Variants in TULP2 observed in about 807,000 individuals in gnomAD.
TULP2 encodes TUB like protein 2.
In TULP2, 64 loss-of-function variants were observed where a neutral mutation model predicts 60.3. That is an observed-to-expected ratio of 1.06 (90% confidence interval 0.87 to 1.31). The LOEUF is 1.31. TULP2 is among the 50% of genes most tolerant of loss of function. The probability of loss-of-function intolerance (pLI) is 0.00; values close to 1 mark genes in which losing one functional copy is unlikely to be tolerated. For missense variants in TULP2, 652 were observed against 667.0 expected (o/e 0.98, Z 0.25); for synonymous variants, 267 against 265.4 (o/e 1.01, Z -0.06).
chr19:48,883,720 A>G lies in TULP2; in HGVS notation c.1275+34T>C, dbSNP rs768182565. ...GAGGACCGGCCCCAGCCCCTTCTCCATTGACCCAGAGATTCCTGATGTCAG... is the reference window on the plus strand; with the variant it reads ...GAGGACCGGCCCCAGCCCCTTCTCCGTTGACCCAGAGATTCCTGATGTCAG... On this transcript the variant is annotated intron_variant, in intron 11 of 12. Coordinates refer to ENST00000221399, the MANE Select transcript of TULP2 (RefSeq NM_003323.3). 23 of 1,611,238 alleles carry G rather than the reference A, an allele frequency of 1.4e-5. No homozygotes were observed. In the East Asian group the frequency reaches 5.1e-4, roughly 36 times the overall value.
rs58640342 is a variant in TULP2, at chr19:48,887,311, C to CTTTTTTTTTTTT, written c.948+627_948+638dup. On this transcript the variant is annotated intron_variant, in intron 8 of 12. Transcript: ENST00000221399. ...CAAGTGTGAGCCACCGCGCCCAGCC[C>CTTTTTTTTTTTT]TTTTTTTTTTTTTTTTTTTTTTTTT... is the stretch of plus-strand genomic sequence containing the variant. Among the ~76,000 whole-genome samples, 139 of 39,378 alleles carry CTTTTTTTTTTTT rather than the reference C, an allele frequency of 3.5e-3. 37 individuals carry two copies. The highest frequency in any genetic ancestry group is 6.5e-3 in the Non-Finnish European group (125 of 19,334). The allele number at this position is 39,378 out of a possible 152,430, so 25.8% of individuals were successfully genotyped here.
intron 6 of TULP2, among the ~76,000 whole-genome samples, chr19:48,894,677 A>G (rs2037262301): frequency 6.6e-6 from 1 of 152,112 alleles, no homozygotes; most frequent in Non-Finnish European, 1.5e-5. Context: ...TTGCATTTAT[A>G]CTGTATTAGG....
chr19:48,882,264 G>A (rs2037141614), intron 11 of TULP2, 61 bp from the exon 12 acceptor site: 1 of 1,591,240 alleles, frequency 6.3e-7, no homozygotes, highest in African/African-American at 1.4e-5. Context: ...ATCTTGAACA[G>A]GGGCGACTCC....
chr19:48,881,249 G>A lies in TULP2; in HGVS notation c.1448-123C>T, dbSNP rs557286781. 2.1e-3 allele frequency: 1,291 copies of A among 605,148 alleles called. 4 individuals are homozygous for A. The highest frequency in any genetic ancestry group is 4.5e-3 in the Admixed American group (125 of 27,760). 37.5% of individuals were successfully genotyped at this position (605,148 alleles called of 1,614,324 possible). A position where few individuals can be genotyped will look rare whatever the true frequency, so the allele number is the denominator to read the frequency against. On this transcript the variant is annotated intron_variant, in intron 12 of 12. Transcript: ENST00000221399. ...TTTTGAGACAGAGTCTTGCTCTGTC[G>A]CCCAGGCTGGAGTGCAGTGACCTGA... is the stretch of plus-strand genomic sequence containing the variant.
chr19:48,885,350 G>C (rs2037169746), intron 9 of TULP2, 98 bp downstream of exon 9: 17 of 960,448 alleles, frequency 1.8e-5, no homozygotes, highest in Non-Finnish European at 2.8e-5. Context: ...TCCCTGAGCA[G>C]GTGGAAGGTA....
At chr19:48,896,121 G>T (rs1022277486) in intron 4 of TULP2, among the ~76,000 whole-genome samples, 2 of 152,032 alleles carry the variant, frequency 1.3e-5, no homozygotes, top group African/African-American at 2.4e-5. Context: ...CTCCACCACC[G>T]AGCTCTGCCA....
At position 48,897,269 on chromosome 19, in the gene TULP2, A is replaced by G; in HGVS notation, c.84+76T>C. ...CAACACGGGCTGGGAGTCCTAGAGC[A>G]AGACCTGGTGGAGAGGCCCCTGGGG... On this transcript the variant is annotated intron_variant, in intron 3 of 12. Coordinates refer to ENST00000221399, the MANE Select transcript of TULP2 (RefSeq NM_003323.3). This position sits in a 1 kb window ranked among gnomAD's most constrained non-coding sequence, Gnocchi z 4.0. The G allele has an allele frequency of 1.3e-6, 2 of 1,518,752 alleles. No individual in the cohort carries two copies. The highest frequency in any genetic ancestry group is 1.8e-6 in the Non-Finnish European group (2 of 1,102,984). 94.1% of individuals were successfully genotyped at this position (1,518,752 alleles called of 1,614,324 possible).
intron 11 of TULP2, among the ~76,000 whole-genome samples, chr19:48,883,401 C>T (rs1157456646): frequency 6.6e-6 from 1 of 152,022 alleles, no homozygotes; most frequent in Non-Finnish European, 1.5e-5. Context: ...ATGGAGTAGC[C>T]ATTCTTTTAT....
At chr19:48,898,409 C>T (rs555524916) in intron 1 of TULP2, 181 bp downstream of exon 1, 1 of 151,064 alleles carries the variant, frequency 6.6e-6, no homozygotes, top group Non-Finnish European at 1.5e-5. Context: ...ATCTAATTCT[C>T]CAGCACCCAG....
At chr19:48,883,090 GCGCCTGTAGT>G (rs2123266230) in intron 11 of TULP2, among the ~76,000 whole-genome samples, 1 of 152,166 alleles carries the variant, frequency 6.6e-6, no homozygotes, top group South Asian at 2.1e-4. Flanking sequence ...ATGGTAGCGG[GCGCCTGTAGT>G]CCCAGCTACT....
chr19:48,888,351 C>G, intron 7 of TULP2, 90 bp from the exon 8 acceptor site: 1 of 1,350,420 alleles, frequency 7.4e-7, no homozygotes, highest in Non-Finnish European at 1.0e-6. Context: ...TAGGGTCCCG[C>G]CCTTGCCCAT....
At chr19:48,894,894 T>C (rs954956007) in intron 6 of TULP2, 104 bp downstream of exon 6, 9 of 1,404,822 alleles carry the variant, frequency 6.4e-6, no homozygotes, top group Non-Finnish European at 8.6e-6. Flanking sequence ...GTGACTTGTA[T>C]GGTTTGTGAA....
intron 4 of TULP2, among the ~76,000 whole-genome samples, chr19:48,896,166 T>C (rs2037278831): frequency 6.6e-6 from 1 of 151,468 alleles, no homozygotes; most frequent in Non-Finnish European, 1.5e-5. Context: ...CCCTTTCCCC[T>C]GCTAGTTGTA....
At position 48,888,218 on chromosome 19, in the gene TULP2, C is replaced by T; in HGVS notation, c.680G>A (p.Gly227Glu). Residue 227 changes from glycine (G) to glutamate (E), a missense_variant, in exon 8 of 13, where the codon GGG becomes GAG. Transcript: ENST00000221399. The stretch of plus-strand genomic sequence containing the variant: ...GTTGTGTGCTGCTGAGGAGTTCGTC[C>T]CTGTAGACTCAGAGGCCTCTCTCTT... ...EKKREASEST[G>E]TNSSAAHNEE... The T allele has an allele frequency of 6.2e-7, 1 of 1,607,204 alleles. No individual in the cohort carries two copies. The highest frequency in any genetic ancestry group is 8.5e-7 in the Non-Finnish European group (1 of 1,174,390).
At position 48,896,428 on chromosome 19, in the gene TULP2, A is replaced by G. The variant is rs1455399684; in HGVS notation, c.211+2T>C. On this transcript the variant is annotated splice_donor_variant, in intron 4 of 12. Transcript: ENST00000221399. LOFTEE classifies it high-confidence loss of function. ...CGAACGCCCCCAGGGGTCTTTGGTCACCTCTGTCACCTAAAAGGCGCTCCT... is the reference window on the plus strand; with the variant it reads ...CGAACGCCCCCAGGGGTCTTTGGTCGCCTCTGTCACCTAAAAGGCGCTCCT... The G allele has an allele frequency of 1.9e-6, 3 of 1,600,792 alleles. No homozygotes were observed. Among genetic ancestry groups the G allele is most frequent in the Non-Finnish European group, 2.6e-6 (3 of 1,175,614 alleles).
chr19:48,887,261 T>A (rs2037188055), intron 8 of TULP2, among the ~76,000 whole-genome samples: 1 of 138,846 alleles, frequency 7.2e-6, no homozygotes, highest in Non-Finnish European at 1.5e-5. Context: ...TCTGCACGCC[T>A]CGGCCTCCCA....
At chr19:48,890,593 C>T (rs1460643572) in intron 6 of TULP2, among the ~76,000 whole-genome samples, 3 of 152,178 alleles carry the variant, frequency 2.0e-5, no homozygotes, top group African/African-American at 7.2e-5. Flanking sequence ...GCAACCCACC[C>T]CTTCACCTAA....
intron 6 of TULP2, among the ~76,000 whole-genome samples, chr19:48,891,633 G>C (rs1209634451): frequency 6.6e-6 from 1 of 152,186 alleles, no homozygotes; most frequent in Non-Finnish European, 1.5e-5. Flanking sequence ...CCACACCCGT[G>C]GGTATTTCTC....
chr19:48,890,303 C>T (rs1224791353), intron 6 of TULP2, among the ~76,000 whole-genome samples: 1 of 152,042 alleles, frequency 6.6e-6, no homozygotes, highest in Non-Finnish European at 1.5e-5. Context: ...AAGCACAGCA[C>T]TTGATTCTTT....
Sources: gnomAD v4.1 joint callset for allele counts (sites outside exome capture counted in the v4.1 genomes callset) on GRCh38, gnomAD v4.1.1 for gene constraint, Gnocchi (gnomAD v3.1) non-coding constraint, MANE v1.5 for transcripts, NCBI Gene and HGNC (gene_info 2026-07-23, HGNC 2026-07-21) for gene names.